Variants in OSBPL6 observed in about 807,000 individuals in gnomAD.
The protein encoded by OSBPL6 is oxysterol-binding protein-related protein 6.
In OSBPL6, 49 loss-of-function variants were observed where a neutral mutation model predicts 125.8. The ratio of observed to expected loss-of-function variants is 0.39; its 90% CI spans 0.31 to 0.49. The LOEUF (loss-of-function observed/expected upper bound fraction) is 0.49. Among genes scored for constraint, OSBPL6 ranks in the 20% least tolerant of loss-of-function variants. The pLI, the probability that OSBPL6 is intolerant of heterozygous loss-of-function variation, is 0.88. For missense variants in OSBPL6, 986 were observed against 1,135.4 expected (o/e 0.87, Z 1.89); for synonymous variants, 394 against 391.8 (o/e 1.01, Z -0.07).
At chr2:178,297,905 T>C (rs1200848848) in intron 2 of OSBPL6, among the ~76,000 whole-genome samples, 1 of 152,246 alleles carries the variant, frequency 6.6e-6, no homozygotes, top group Non-Finnish European at 1.5e-5. Context: ...AGTGTCCACT[T>C]CTGTATCATT....
rs922636694 is a variant in OSBPL6, at chr2:178,259,166, A to G, written c.-350-25761A>G. 3.3e-5 allele frequency among the ~76,000 whole-genome samples: 5 copies of G among 152,168 alleles called. No individual in the cohort carries two copies. The East Asian group carries it at 9.6e-4, about 29-fold the overall frequency. Reference sequence around the variant, plus strand: ...GTAGCTAGCTGAGTCATTGGCTAATATAACAGATGCTTCTCCACCGTGCTT... The same window carrying G: ...GTAGCTAGCTGAGTCATTGGCTAATGTAACAGATGCTTCTCCACCGTGCTT... On this transcript the variant is annotated intron_variant, in intron 1 of 24. Transcript: ENST00000190611.
At chr2:178,209,439 CTTTT>C (rs71850875) in intron 1 of OSBPL6, among the ~76,000 whole-genome samples, 1 of 95,752 alleles carries the variant, frequency 1.0e-5, no homozygotes, top group Admixed American at 1.1e-4. Context: ...TTCTTTCTTT[CTTTT>C]TTTTTTTTTT....
At chr2:178,284,865 C>T (rs140998195) in intron 1 of OSBPL6, 62 bp from the exon 2 acceptor site, 156 of 393,700 alleles carry the variant, frequency 4.0e-4, no homozygotes, top group African/African-American at 2.7e-3. Flanking sequence ...AGGCAGTCCC[C>T]GTGAGAGGCT....
intron 2 of OSBPL6, among the ~76,000 whole-genome samples, chr2:178,304,923 C>T (rs1054868548): frequency 6.6e-6 from 1 of 152,208 alleles, no homozygotes; most frequent in Non-Finnish European, 1.5e-5. Flanking sequence ...CATTAGTTCA[C>T]CTCAGTCACT....
intron 12 of OSBPL6, among the ~76,000 whole-genome samples, chr2:178,351,929 G>T (rs890464212): frequency 6.6e-6 from 1 of 152,072 alleles, no homozygotes; most frequent in African/African-American, 2.4e-5. Context: ...TCTGTACAAT[G>T]AACCTCCATG....
intron 1 of OSBPL6, among the ~76,000 whole-genome samples, chr2:178,282,038 C>G (rs1684244095): frequency 6.6e-6 from 1 of 152,180 alleles, no homozygotes; most frequent in Non-Finnish European, 1.5e-5. Context: ...AGACACAGTT[C>G]ACACATAAAA....
At chr2:178,231,632 G>T (rs2090822363) in intron 1 of OSBPL6, among the ~76,000 whole-genome samples, 1 of 146,692 alleles carries the variant, frequency 6.8e-6, no homozygotes, top group Non-Finnish European at 1.5e-5. Context: ...CCACCAGGGT[G>T]GTCCCATTTT....
At chr2:178,304,339 T>C (rs1686563851) in intron 2 of OSBPL6, among the ~76,000 whole-genome samples, 1 of 152,180 alleles carries the variant, frequency 6.6e-6, no homozygotes, top group South Asian at 2.1e-4. Flanking sequence ...AGGAAACTTA[T>C]AATCATGGCA....
chr2:178,215,564 C>A (rs987506306), intron 1 of OSBPL6, among the ~76,000 whole-genome samples: 5 of 151,814 alleles, frequency 3.3e-5, no homozygotes, highest in African/African-American at 1.2e-4. Context: ...GTGAGAGAGA[C>A]CTAGTTTGAT....
At position 178,341,142 on chromosome 2, in the gene OSBPL6, C is replaced by T. The variant is rs1690155677; in HGVS notation, c.987+1378C>T. On this transcript the variant is annotated intron_variant, in intron 11 of 24. Transcript: ENST00000190611. ...TCTAAATAAAATAATTGAAGAAGGC[C>T]TGCATCACAAGAAAGAACACATACA... Among the ~76,000 whole-genome samples, 5 of 152,066 alleles carry T rather than the reference C, an allele frequency of 3.3e-5. No homozygotes were observed. In the South Asian group the frequency reaches 1.0e-3, roughly 32 times the overall value.
rs190623607 is a variant in OSBPL6, at chr2:178,293,369, A to G, written c.-156+8248A>G. Among the ~76,000 whole-genome samples the G allele has an allele frequency of 5.5e-4, 84 of 152,260 alleles. 4 individuals are homozygous for G. Among genetic ancestry groups the G allele is most frequent in the South Asian group, 3.7e-3 (18 of 4,826 alleles). ...ACTTTTGTCCCATTGCTTATTTTCA[A>G]ACTAGACAAAAAATAATCTAAAATG... On this transcript the variant is annotated intron_variant, in intron 2 of 24. Transcript: ENST00000190611.
At chr2:178,329,048 T>C (rs954160950) in intron 5 of OSBPL6, among the ~76,000 whole-genome samples, 1 of 152,230 alleles carries the variant, frequency 6.6e-6, no homozygotes, top group African/African-American at 2.4e-5. Context: ...ATCCCACTGC[T>C]ATCGAACTAA....
intron 15 of OSBPL6, among the ~76,000 whole-genome samples, chr2:178,377,953 C>T (rs1019762315): frequency 5.3e-5 from 8 of 152,134 alleles, no homozygotes; most frequent in Admixed American, 2.6e-4. Flanking sequence ...CTCAGCCTCC[C>T]GAGTAGCTGG....
chr2:178,347,154 C>T (rs546971315), intron 11 of OSBPL6, among the ~76,000 whole-genome samples: 1 of 152,276 alleles, frequency 6.6e-6, no homozygotes, highest in East Asian at 1.9e-4. Flanking sequence ...CCTTCCTGGA[C>T]TCCCTGGGTT....
At chr2:178,243,640 A>C (rs1468754049) in intron 1 of OSBPL6, among the ~76,000 whole-genome samples, 7 of 151,726 alleles carry the variant, frequency 4.6e-5, no homozygotes, top group Non-Finnish European at 8.8e-5. Context: ...TCCTCCATTC[A>C]TTCTGGGTTT....
At chr2:178,299,079 A>G (rs1686030829) in intron 2 of OSBPL6, among the ~76,000 whole-genome samples, 2 of 152,210 alleles carry the variant, frequency 1.3e-5, no homozygotes, top group African/African-American at 4.8e-5. Flanking sequence ...CATATTTCCC[A>G]GTATTATTTT....
chr2:178,282,891 G>A (rs1438060974), intron 1 of OSBPL6, among the ~76,000 whole-genome samples: 1 of 152,172 alleles, frequency 6.6e-6, no homozygotes, highest in African/African-American at 2.4e-5. Context: ...GACCTCAGGT[G>A]ATTCACCCAC....
chr2:178,320,105 T>C, intron 3 of OSBPL6: 1 of 606,040 alleles, frequency 1.7e-6, no homozygotes, highest in East Asian at 3.3e-5. Context: ...ACAGATCTCC[T>C]GGACTCTCAT....
rs59882242 is a variant in OSBPL6, at chr2:178,375,698, C to T, written c.1533+1671C>T. Among the ~76,000 whole-genome samples, 240 of 152,292 alleles carry T rather than the reference C, an allele frequency of 1.6e-3. 7 individuals carry two copies. The East Asian group carries it at 0.04, about 26-fold the overall frequency. The stretch of plus-strand genomic sequence containing the variant: ...TCAGCCTCCCAAAGTGCTGGGATTA[C>T]AGGCATGAGCCACTGCGCCCGACCC... On this transcript the variant is annotated intron_variant, in intron 15 of 24. Coordinates refer to ENST00000190611, the MANE Select transcript of OSBPL6 (RefSeq NM_032523.4).
Sources: allele counts gnomAD v4.1 joint callset (sites outside exome capture counted in the v4.1 genomes callset), GRCh38; gene constraint gnomAD v4.1.1; transcripts MANE v1.5; gene names NCBI Gene and HGNC (gene_info 2026-07-23, HGNC 2026-07-21).